DDX10: variants seen among roughly 807,000 people sequenced by gnomAD.
DDX10 encodes probable ATP-dependent RNA helicase DDX10.
In DDX10, 74 loss-of-function variants were observed where a neutral mutation model predicts 104.3. The observed-to-expected ratio is 0.71, with a 90% confidence interval of 0.59 to 0.86. The LOEUF is 0.86. DDX10 is among the 40% of genes least tolerant of loss of function. The pLI is 0.00. For missense variants in DDX10, 952 were observed against 1,040.0 expected (o/e 0.92, Z 1.16); for synonymous variants, 351 against 353.4 (o/e 0.99, Z 0.08).
Position 108,898,329 on chromosome 11 carries a change from A to G in DDX10, c.2305-19544A>G, listed in dbSNP as rs566503694. Among the ~76,000 whole-genome samples the G allele has an allele frequency of 6.7e-4, 102 of 152,234 alleles. 1 individual carries two copies. The South Asian group carries it at 0.021, about 31-fold the overall frequency. ...CCTGAGGTCTTGGCATATTCAGAAC[A>G]AAGAGTAGGCTGCTTAATATGTTAC... On this transcript the variant is annotated intron_variant, in intron 16 of 17. Coordinates refer to ENST00000322536, the MANE Select transcript of DDX10 (RefSeq NM_004398.4).
At chr11:108,926,127 G>A (rs1468505453) in intron 17 of DDX10, among the ~76,000 whole-genome samples, 1 of 152,040 alleles carries the variant, frequency 6.6e-6, no homozygotes, top group African/African-American at 2.4e-5. Context: ...AACTCAACTT[G>A]TATGATGTTT....
chr11:108,769,869 T>A (rs995330573), intron 13 of DDX10, among the ~76,000 whole-genome samples: 1 of 152,216 alleles, frequency 6.6e-6, no homozygotes, highest in African/African-American at 2.4e-5. Flanking sequence ...TATTCAATAC[T>A]TGTTAATTTA....
At chr11:108,716,102 A>T in intron 11 of DDX10, 136 bp downstream of exon 11, 2 of 510,452 alleles carry the variant, frequency 3.9e-6, no homozygotes, top group African/African-American at 2.0e-5. Flanking sequence ...AGTCTAGCTT[A>T]TTTTTTTTTT....
At chr11:108,885,109 A>C (rs1261974863) in intron 16 of DDX10, among the ~76,000 whole-genome samples, 1 of 151,986 alleles carries the variant, frequency 6.6e-6, no homozygotes, top group African/African-American at 2.4e-5. Flanking sequence ...ACTCTTTGTC[A>C]CATTGTTTGT....
chr11:108,808,137 CAA>C (rs1399307791), intron 13 of DDX10, among the ~76,000 whole-genome samples: 1 of 152,066 alleles, frequency 6.6e-6, no homozygotes, highest in Non-Finnish European at 1.5e-5. Flanking sequence ...ACTATTTTTA[CAA>C]AACGCTTAGT....
chr11:108,849,976 G>C (rs913954994), intron 15 of DDX10, among the ~76,000 whole-genome samples: 1 of 151,954 alleles, frequency 6.6e-6, no homozygotes, highest in Non-Finnish European at 1.5e-5. Context: ...TCTACTTCCA[G>C]TTCTTTCGCT....
intron 1 of DDX10, among the ~76,000 whole-genome samples, chr11:108,668,984 T>G (rs754403226): frequency 8.5e-5 from 13 of 152,188 alleles, no homozygotes; most frequent in Non-Finnish European, 1.6e-4. Flanking sequence ...CACGTCTGGC[T>G]TGGGGAGCTG....
chr11:108,912,756 C>T (rs1863696869), intron 16 of DDX10, among the ~76,000 whole-genome samples: 1 of 152,214 alleles, frequency 6.6e-6, no homozygotes, highest in African/African-American at 2.4e-5. Flanking sequence ...AAAGTCATCC[C>T]TCTGCTCATG....
intron 13 of DDX10, among the ~76,000 whole-genome samples, chr11:108,759,574 G>T (rs1237576372): frequency 6.6e-6 from 1 of 151,962 alleles, no homozygotes; most frequent in African/African-American, 2.4e-5. Flanking sequence ...GATTGTCATT[G>T]AAATGCAAAA....
At chr11:108,808,322 T>A (rs1391655128) in intron 13 of DDX10, among the ~76,000 whole-genome samples, 2 of 151,726 alleles carry the variant, frequency 1.3e-5, no homozygotes, top group African/African-American at 4.8e-5. Context: ...AGTCAAAAAA[T>A]GCTGAGCAGT....
intron 16 of DDX10, among the ~76,000 whole-genome samples, chr11:108,915,477 G>T (rs1394281825): frequency 3.5e-5 from 5 of 144,230 alleles, no homozygotes; most frequent in Non-Finnish European, 6.0e-5. Flanking sequence ...TTGTTTTAAA[G>T]ACATCGATGG....
chr11:108,701,700 T>TTTTG (rs1555016272), intron 9 of DDX10, among the ~76,000 whole-genome samples: 6 of 119,150 alleles, frequency 5.0e-5, no homozygotes, highest in Non-Finnish European at 8.5e-5. Flanking sequence ...TTTTTTTTTT[T>TTTTG]GTGACTGAGT....
intron 4 of DDX10, 128 bp downstream of exon 4, chr11:108,677,371 T>C (rs1022820619): frequency 5.1e-6 from 4 of 781,162 alleles, no homozygotes; most frequent in Middle Eastern, 3.6e-4. Flanking sequence ...CATGGGATAG[T>C]AGCACTTGGT....
At chr11:108,899,245 A>AC (rs1428306324) in intron 16 of DDX10, among the ~76,000 whole-genome samples, 1 of 147,738 alleles carries the variant, frequency 6.8e-6, no homozygotes, top group African/African-American at 2.5e-5. Context: ...CCTCCCCCCA[A>AC]CCCCCCGTGT....
At chr11:108,750,864 C>T (rs1179519359) in intron 13 of DDX10, among the ~76,000 whole-genome samples, 1 of 97,396 alleles carries the variant, frequency 1.0e-5, no homozygotes, top group South Asian at 3.6e-4. Flanking sequence ...CTCAAGTGGT[C>T]CTTCCACTTC....
At chr11:108,897,202 A>G (rs970726188) in intron 16 of DDX10, among the ~76,000 whole-genome samples, 14 of 152,160 alleles carry the variant, frequency 9.2e-5, no homozygotes, top group Non-Finnish European at 1.3e-4. Flanking sequence ...GACCACCCCC[A>G]AAGACAGTTC....
At chr11:108,669,652 C>T (rs1040745617) in intron 1 of DDX10, among the ~76,000 whole-genome samples, 59 of 152,096 alleles carry the variant, frequency 3.9e-4, no homozygotes, top group Admixed American at 3.5e-3. Context: ...ATACCTGGAA[C>T]CTGTGAATAT....
At chr11:108,776,059 A>T (rs1339907807) in intron 13 of DDX10, among the ~76,000 whole-genome samples, 2 of 152,078 alleles carry the variant, frequency 1.3e-5, no homozygotes, top group Admixed American at 6.6e-5. Context: ...TTGTATATGG[A>T]CATTTGGGTT....
At chr11:108,939,543 C>G (rs1337366492) in intron 17 of DDX10, among the ~76,000 whole-genome samples, 2 of 152,192 alleles carry the variant, frequency 1.3e-5, no homozygotes, top group African/African-American at 4.8e-5. Flanking sequence ...CATCTTGGAA[C>G]AGATAATATC....
Sources: allele counts gnomAD v4.1 joint callset (sites outside exome capture counted in the v4.1 genomes callset), GRCh38; gene constraint gnomAD v4.1.1; transcripts MANE v1.5; gene names NCBI Gene and HGNC (gene_info 2026-07-23, HGNC 2026-07-21).